Variants in ARHGAP12 observed in about 807,000 individuals in gnomAD.
ARHGAP12 encodes the protein rho GTPase-activating protein 12.
ARHGAP12 carries 64 observed loss-of-function variants against 108.6 expected under a neutral mutation model. The observed-to-expected ratio is 0.59, with a 90% CI of 0.48 to 0.73. ARHGAP12 has a LOEUF of 0.73. ARHGAP12 is among the 30% of genes least tolerant of loss of function. The probability of loss-of-function intolerance (pLI) is 0.00; values close to 1 mark genes in which losing one functional copy is unlikely to be tolerated. For missense variants in ARHGAP12, 940 were observed against 1,005.9 expected, an observed-to-expected ratio of 0.93 and a Z score of 0.89; for synonymous variants, 312 against 337.2, an observed-to-expected ratio of 0.93 and a Z score of 0.82.
rs1025716332 is a variant in ARHGAP12, at chr10:31,806,866, T to C, written c.*792A>G. 1.3e-5 allele frequency: 2 copies of C among 152,442 alleles called. No homozygotes were observed. The highest frequency in any genetic ancestry group is 2.9e-5 in the Non-Finnish European group (2 of 68,012). 9.4% of individuals were successfully genotyped at this position (152,442 alleles called of 1,614,324 possible). A position where few individuals can be genotyped will look rare whatever the true frequency, so the allele number is the denominator to read the frequency against. On this transcript the variant is annotated 3_prime_UTR_variant, in exon 20 of 20. Coordinates refer to ENST00000344936, the MANE Select transcript of ARHGAP12 (RefSeq NM_018287.7). Reference sequence around the variant, plus strand: ...CACAAGCTAAAGGACATTAAGTCTTTAGCCTATATTTACATAAAATAATGT... The same window carrying C: ...CACAAGCTAAAGGACATTAAGTCTTCAGCCTATATTTACATAAAATAATGT...
chr10:31,902,479 T>A (rs1468822659), intron 3 of ARHGAP12, among the ~76,000 whole-genome samples: 5 of 151,998 alleles, frequency 3.3e-5, no homozygotes, highest in African/African-American at 1.2e-4. Context: ...GGTTCAAGAC[T>A]AGCCTGGGCA....
intron 10 of ARHGAP12, among the ~76,000 whole-genome samples, chr10:31,830,906 G>C (rs866306735): frequency 6.6e-6 from 1 of 152,174 alleles, no homozygotes; most frequent in African/African-American, 2.4e-5. Flanking sequence ...CTAAACTGGC[G>C]AAAGGTGTGC....
At chr10:31,845,295 A>T (rs1351028988) in intron 6 of ARHGAP12, among the ~76,000 whole-genome samples, 3 of 152,144 alleles carry the variant, frequency 2.0e-5, no homozygotes, top group Non-Finnish European at 4.4e-5. Flanking sequence ...ACAATAATTT[A>T]AAAAAACAAT....
intron 12 of ARHGAP12, among the ~76,000 whole-genome samples, chr10:31,818,844 G>C (rs1835306145): frequency 6.6e-6 from 1 of 152,098 alleles, no homozygotes. Context: ...AATATACACT[G>C]CTTCCCAAAT....
At position 31,908,843 on chromosome 10, in the gene ARHGAP12, C is replaced by G. The variant is rs1332485053; in HGVS notation, c.13G>C (p.Asp5His). ...CCTGGAATAATCTTCCCACTTCTGTCAGCCATTTTCATTCAATAATATTCA... is the reference window on the plus strand; with the variant it reads ...CCTGGAATAATCTTCCCACTTCTGTGAGCCATTTTCATTCAATAATATTCA... The part of the protein sequence containing the change: MKMA[D>H]RSGKIIPGQV... Residue 5 changes from aspartate to histidine, a missense_variant, in exon 3 of 20, where the codon GAC (aspartate) becomes CAC (histidine). Physicochemically the swap from Asp to His is moderately conservative, Grantham distance 81. Transcript: ENST00000344936. 1 of 1,588,944 alleles carries G rather than the reference C, an allele frequency of 6.3e-7. No homozygotes were observed. The highest frequency in any genetic ancestry group is 2.2e-5 in the East Asian group (1 of 44,758).
chr10:31,852,726 A>ATTT, intron 5 of ARHGAP12, 129 bp from the exon 6 acceptor site: 1 of 519,258 alleles, frequency 1.9e-6, no homozygotes, highest in Non-Finnish European at 3.2e-6. Context: ...GCAACAAAAA[A>ATTT]TTCTTTTTTT....
intron 4 of ARHGAP12, among the ~76,000 whole-genome samples, chr10:31,859,943 C>T (rs887765990): frequency 6.6e-6 from 1 of 151,796 alleles, no homozygotes; most frequent in Non-Finnish European, 1.5e-5. Flanking sequence ...TACAGGTGCC[C>T]GCCACCACGC....
intron 1 of ARHGAP12, among the ~76,000 whole-genome samples, chr10:31,926,162 GGA>G: frequency 6.6e-6 from 1 of 152,004 alleles, no homozygotes; most frequent in Non-Finnish European, 1.5e-5. Context: ...TATCAACAGG[GGA>G]AGGAGGCTTA....
chr10:31,862,239 T>C (rs1339071755), intron 3 of ARHGAP12, among the ~76,000 whole-genome samples: 1 of 152,226 alleles, frequency 6.6e-6, no homozygotes, highest in Non-Finnish European at 1.5e-5. Context: ...ATTCTATTCC[T>C]TCTCAGGTAT....
chr10:31,812,348 TTTTC>T (rs934727083), intron 15 of ARHGAP12, among the ~76,000 whole-genome samples: 1 of 152,152 alleles, frequency 6.6e-6, no homozygotes, highest in African/African-American at 2.4e-5. Context: ...ATTTGTTCAT[TTTTC>T]TTTCTATTGT....
intron 3 of ARHGAP12, among the ~76,000 whole-genome samples, chr10:31,879,488 T>A (rs894836733): frequency 3.3e-5 from 5 of 152,214 alleles, no homozygotes; most frequent in Non-Finnish European, 7.4e-5. Context: ...AATGAAAAAA[T>A]TTATTTTGAA....
intron 6 of ARHGAP12, among the ~76,000 whole-genome samples, chr10:31,849,798 C>G (rs1836604547): frequency 6.6e-6 from 1 of 152,148 alleles, no homozygotes; most frequent in South Asian, 2.1e-4. Flanking sequence ...ACAATCAGTA[C>G]CCATTTCCAC....
intron 1 of ARHGAP12, among the ~76,000 whole-genome samples, chr10:31,924,169 G>A (rs1240541277): frequency 2.6e-5 from 4 of 152,100 alleles, no homozygotes; most frequent in African/African-American, 7.2e-5. Context: ...TTAAACATAC[G>A]CTTACTACAT....
intron 16 of ARHGAP12, among the ~76,000 whole-genome samples, chr10:31,810,258 T>A (rs1295416998): frequency 1.3e-5 from 2 of 152,296 alleles, no homozygotes; most frequent in African/African-American, 4.8e-5. Flanking sequence ...TAAAATGTCA[T>A]CTGATTTTTA....
chr10:31,854,133 C>T lies in ARHGAP12; in HGVS notation c.1022G>A (p.Arg341Lys). The change falls in exon 5 of 20, where the codon AGG becomes AAG. Residue 341 changes from arginine to lysine, a missense_variant. Transcript: ENST00000344936. ...QSDSQCGSPPRGWSEELDERG... is the reference protein window; with the variant it reads ...QSDSQCGSPPKGWSEELDERG... ...TTCATCCAACTCTTCTGACCAACCC[C>T]TTGGAGGAGAACCACACTGACTATC... 1 of 1,613,934 alleles carries T rather than the reference C, an allele frequency of 6.2e-7. No homozygotes were observed. Among genetic ancestry groups the T allele is most frequent in the Non-Finnish European group, 8.5e-7 (1 of 1,179,922 alleles).
At chr10:31,844,506 G>C (rs1836379035) in intron 6 of ARHGAP12, among the ~76,000 whole-genome samples, 3 of 152,030 alleles carry the variant, frequency 2.0e-5, no homozygotes, top group Non-Finnish European at 4.4e-5. Context: ...TTTAGTTGTT[G>C]TTGCAGCATC....
intron 16 of ARHGAP12, 43 bp downstream of exon 16, chr10:31,810,606 G>T: frequency 7.4e-7 from 1 of 1,350,172 alleles, no homozygotes; most frequent in Non-Finnish European, 1.0e-6. Flanking sequence ...CAAGAAGCTG[G>T]TTTGCTTAAT....
chr10:31,834,421 G>A (rs1357212523), intron 9 of ARHGAP12, among the ~76,000 whole-genome samples: 2 of 152,130 alleles, frequency 1.3e-5, no homozygotes, highest in Non-Finnish European at 2.9e-5. Context: ...CAGCAAAAAG[G>A]AACCATCTAT....
intron 3 of ARHGAP12, among the ~76,000 whole-genome samples, chr10:31,887,932 C>T (rs1838251000): frequency 6.6e-6 from 1 of 152,168 alleles, no homozygotes; most frequent in African/African-American, 2.4e-5. Flanking sequence ...GCTAGGATTA[C>T]AGGCGTGAGT....
Sources: allele counts gnomAD v4.1 joint callset (sites outside exome capture counted in the v4.1 genomes callset), GRCh38; gene constraint gnomAD v4.1.1; transcripts MANE v1.5; gene names NCBI Gene and HGNC (gene_info 2026-07-23, HGNC 2026-07-21).